Variants in ZFHX3 observed in about 807,000 individuals in gnomAD.
ZFHX3 encodes zinc finger homeobox 3.
ZFHX3 carries 42 observed loss-of-function variants against 279.1 expected under a neutral mutation model. The observed-to-expected ratio is 0.15, with a 90% CI of 0.12 to 0.19. The LOEUF is 0.19. ZFHX3 is among the 10% of genes least tolerant of loss of function. The pLI is 1.00. For synonymous variants in ZFHX3, 2,293 were observed against 1,957.8 expected (o/e 1.17, Z -4.52); for missense variants, 4,981 against 4,754.0 (o/e 1.05, Z -1.40).
intron 2 of ZFHX3, among the ~76,000 whole-genome samples, chr16:72,953,339 C>T (rs1020677532): frequency 1.3e-4 from 19 of 151,474 alleles, no homozygotes; most frequent in African/African-American, 4.4e-4. Flanking sequence ...TTAACGGGGA[C>T]GAAGGCCAGG....
Position 72,786,087 on chromosome 16 carries a change from GGGACAA to G in ZFHX3, c.*1071_*1076del, listed in dbSNP as rs2035356867. 6.6e-6 allele frequency: 1 copy of G among 151,962 alleles called. No homozygotes were observed. The highest frequency in any genetic ancestry group is 1.5e-5 in the Non-Finnish European group (1 of 68,014). The allele number at this position is 151,962 out of a possible 1,614,324, so 9.4% of individuals were successfully genotyped here. On this transcript the variant is annotated 3_prime_UTR_variant, in exon 10 of 10. Transcript: ENST00000268489. ...AGAAGGAAAGAGAAAGTGGAATTAA[GGGACAA>G]GAAAGAGAAAGTGGAATTAAGGGAC... is the stretch of plus-strand genomic sequence containing the variant.
At chr16:72,919,378 C>G (rs1430137817) in intron 3 of ZFHX3, among the ~76,000 whole-genome samples, 1 of 151,944 alleles carries the variant, frequency 6.6e-6, no homozygotes, top group Non-Finnish European at 1.5e-5. Flanking sequence ...GCAGGCTGTT[C>G]TTGAACTCCT....
At chr16:73,851,996 T>G (rs1478642669) in intron 1 of ZFHX3, among the ~76,000 whole-genome samples, 1 of 152,230 alleles carries the variant, frequency 6.6e-6, no homozygotes, top group Non-Finnish European at 1.5e-5. Flanking sequence ...CGTGAAGAAC[T>G]GTCTCATCTA....
intron 4 of ZFHX3, among the ~76,000 whole-genome samples, chr16:73,279,130 T>C (rs1411928097): frequency 6.6e-6 from 1 of 152,206 alleles, no homozygotes; most frequent in African/African-American, 2.4e-5. Flanking sequence ...ATTTTTTTTT[T>C]CTCACCTTAC....
chr16:73,795,220 C>T (rs1299681568), intron 1 of ZFHX3, among the ~76,000 whole-genome samples: 1 of 152,190 alleles, frequency 6.6e-6, no homozygotes, highest in Non-Finnish European at 1.5e-5. Context: ...GATACATATG[C>T]CAAGAAAACT....
At chr16:72,961,994 G>A (rs376137107) in intron 1 of ZFHX3, among the ~76,000 whole-genome samples, 1 of 152,206 alleles carries the variant, frequency 6.6e-6, no homozygotes, top group African/African-American at 2.4e-5. Context: ...ACTGCAGGGC[G>A]GCTCTTCTTA....
intron 4 of ZFHX3, among the ~76,000 whole-genome samples, chr16:72,863,694 T>C (rs1251113863): frequency 6.6e-6 from 1 of 152,070 alleles, no homozygotes; most frequent in Non-Finnish European, 1.5e-5. Context: ...GATGGGTTCA[T>C]GGGGTCTGCT....
Position 72,798,293 on chromosome 16 carries a change from A to G in ZFHX3, c.4389T>C (p.Leu1463=). The change falls in exon 9 of 10, where the codon CTT becomes CTC. Residue 1463 remains leucine (L), a synonymous_variant. Transcript: ENST00000268489. ...CCCCATTGGCCAGCAGGCCACCATA[A>G]AGCTGTTGGATGTCAGCCTCACTCA... The part of the protein sequence containing the change: ...LELSEADIQQ[L]YGGLLANGDL... 6.2e-7 allele frequency: 1 copy of G among 1,614,170 alleles called. No homozygotes were observed. Among genetic ancestry groups the G allele is most frequent in the South Asian group, 1.1e-5 (1 of 91,086 alleles).
At chr16:73,012,842 T>A (rs992212630) in intron 1 of ZFHX3, among the ~76,000 whole-genome samples, 1 of 152,182 alleles carries the variant, frequency 6.6e-6, no homozygotes, top group Non-Finnish European at 1.5e-5. Context: ...AACTCTAATT[T>A]AATCCAAAAA....
At chr16:73,885,629 AG>A (rs769891535) in intron 1 of ZFHX3, among the ~76,000 whole-genome samples, 31 of 152,230 alleles carry the variant, frequency 2.0e-4, no homozygotes, top group Non-Finnish European at 4.1e-4. Context: ...TAACAAAAAA[AG>A]GTGATGGGAG....
chr16:73,009,327 T>C (rs941784558), intron 1 of ZFHX3, among the ~76,000 whole-genome samples: 16 of 152,174 alleles, frequency 1.1e-4, no homozygotes, highest in Non-Finnish European at 2.1e-4. Context: ...TATATTATGT[T>C]ACCATATAAT....
chr16:73,403,434 G>A (rs973200273), intron 3 of ZFHX3, among the ~76,000 whole-genome samples: 6 of 152,206 alleles, frequency 3.9e-5, no homozygotes, highest in Admixed American at 1.3e-4. Flanking sequence ...GCATCTGCAC[G>A]GGTGTGTGAA....
At chr16:73,041,767 A>T (rs1965126472) in intron 1 of ZFHX3, among the ~76,000 whole-genome samples, 1 of 152,220 alleles carries the variant, frequency 6.6e-6, no homozygotes, top group Non-Finnish European at 1.5e-5. Flanking sequence ...CACAAAAAAA[A>T]GCGGAGCTGT....
intron 7 of ZFHX3, among the ~76,000 whole-genome samples, chr16:73,122,815 C>A (rs1362571177): frequency 6.6e-6 from 1 of 152,144 alleles, no homozygotes; most frequent in African/African-American, 2.4e-5. Context: ...CTGAGCACTG[C>A]TGCCAAGCAA....
chr16:73,002,606 C>A (rs1963539615), intron 1 of ZFHX3, among the ~76,000 whole-genome samples: 1 of 152,192 alleles, frequency 6.6e-6, no homozygotes, highest in South Asian at 2.1e-4. Context: ...ATTGATTCCA[C>A]AAGCTTGCAG....
intron 1 of ZFHX3, among the ~76,000 whole-genome samples, chr16:73,694,647 T>G (rs1481331797): frequency 6.6e-6 from 1 of 152,138 alleles, no homozygotes; most frequent in Non-Finnish European, 1.5e-5. Context: ...TGGCCAAAAA[T>G]TTTTATTAAA....
chr16:73,172,393 C>T (rs1226852672), intron 5 of ZFHX3, among the ~76,000 whole-genome samples: 1 of 152,276 alleles, frequency 6.6e-6, no homozygotes, highest in Admixed American at 6.5e-5. Context: ...GATTCCAGGC[C>T]GAACTTTCCC....
intron 2 of ZFHX3, among the ~76,000 whole-genome samples, chr16:73,606,179 CTAAAA>C: frequency 2.3e-5 from 1 of 44,296 alleles, no homozygotes; most frequent in Admixed American, 4.4e-4. Context: ...TAGGCTCCAT[CTAAAA>C]AAAAAAAAAA....
intron 3 of ZFHX3, among the ~76,000 whole-genome samples, chr16:73,414,947 G>C (rs920483542): frequency 5.9e-5 from 9 of 152,262 alleles, no homozygotes; most frequent in Middle Eastern, 3.4e-3. Flanking sequence ...GAACTGGCTC[G>C]AATAACCCCA....
Sources: allele counts gnomAD v4.1 joint callset (sites outside exome capture counted in the v4.1 genomes callset), GRCh38; gene constraint gnomAD v4.1.1; transcripts MANE v1.5; gene names NCBI Gene and HGNC (gene_info 2026-07-23, HGNC 2026-07-21).